Variants in DOCK3 observed in about 807,000 individuals in gnomAD.
DOCK3 encodes dedicator of cytokinesis protein 3.
DOCK3 carries 60 observed loss-of-function variants against 265.6 expected under a neutral mutation model. The ratio of observed to expected loss-of-function variants is 0.23; its 90% CI spans 0.18 to 0.28. The LOEUF is 0.28. Among genes scored for constraint, DOCK3 ranks in the 10% least tolerant of loss-of-function variants. The pLI is 1.00. For missense variants in DOCK3, 1,981 were observed against 2,594.3 expected (o/e 0.76, Z 5.14); for synonymous variants, 881 against 938.0 (o/e 0.94, Z 1.11).
intron 1 of DOCK3, among the ~76,000 whole-genome samples, chr3:50,764,843 A>G (rs980353318): frequency 6.6e-5 from 10 of 152,240 alleles, no homozygotes; most frequent in African/African-American, 2.4e-4. Context: ...TTGTTTTTCA[A>G]GTCTTCAGTT....
intron 1 of DOCK3, among the ~76,000 whole-genome samples, chr3:50,712,717 C>G (rs2036852334): frequency 6.6e-6 from 1 of 152,180 alleles, no homozygotes; most frequent in South Asian, 2.1e-4. Flanking sequence ...GTGATTTCCT[C>G]TTTGACTCAC....
intron 1 of DOCK3, among the ~76,000 whole-genome samples, chr3:50,741,773 C>T (rs1466232265): frequency 6.6e-5 from 10 of 152,052 alleles, no homozygotes; most frequent in Non-Finnish European, 1.2e-4. Context: ...GATTTATAGT[C>T]CTTTGGGTAT....
intron 5 of DOCK3, among the ~76,000 whole-genome samples, chr3:50,973,855 A>G (rs1376465147): frequency 7.4e-6 from 1 of 136,002 alleles, no homozygotes; most frequent in Non-Finnish European, 1.6e-5. Context: ...ATGGTATCTC[A>G]TTGTGGTTTT....
rs79190187 is a variant in DOCK3 at position 51,080,947 on chromosome 3, T to C, written c.549+5507T>C. Among the ~76,000 whole-genome samples the C allele has an allele frequency of 7.6e-3, 1,164 of 152,190 alleles. 18 individuals are homozygous for C. Among genetic ancestry groups the C allele is most frequent in the African/African-American group, 0.027 (1,119 of 41,524 alleles). The stretch of plus-strand genomic sequence containing the variant: ...TTTTGAAACCTGTTTTATATGTGAA[T>C]TTTTCTTTTGTGCATATACATTCTA... On this transcript the variant is annotated intron_variant, in intron 7 of 52. Coordinates refer to ENST00000266037, the MANE Select transcript of DOCK3 (RefSeq NM_004947.5).
At chr3:50,823,148 TTTTA>T (rs1030825510) in intron 2 of DOCK3, among the ~76,000 whole-genome samples, 124 of 151,712 alleles carry the variant, frequency 8.2e-4, no homozygotes, top group Non-Finnish European at 1.6e-3. Context: ...TTTATTTTTA[TTTTA>T]TTTATTTATT....
At chr3:50,889,973 A>T (rs2048564304) in intron 3 of DOCK3, 53 bp from the exon 4 acceptor site, 1 of 1,315,444 alleles carries the variant, frequency 7.6e-7, no homozygotes, top group Non-Finnish European at 9.8e-7. Context: ...GTATATATGA[A>T]ATGTTAATCA....
In DOCK3 at chr3:51,312,513, T is replaced by C; in HGVS notation, c.3131T>C (p.Ile1044Thr). Reference sequence around the variant, plus strand: ...TACTTTAGCCTGGCAGTTCTATTCATAAATCAGCCAAGCCTTCAGCTAGAA... The same window carrying C: ...TACTTTAGCCTGGCAGTTCTATTCACAAATCAGCCAAGCCTTCAGCTAGAA... ...NSYFSLAVLF[I>T]NQPSLQLEII... The change falls in exon 30 of 53, where the codon ATA becomes ACA. Residue 1044 changes from isoleucine to threonine, a missense_variant. Physicochemically the swap from Ile to Thr is moderately conservative, Grantham distance 89. This residue lies in a region of DOCK3 where 1,357 missense variants were observed against 1,866.8 expected (regional missense o/e 0.73). Transcript: ENST00000266037. 6.2e-7 allele frequency: 1 copy of C among 1,606,954 alleles called. No homozygotes were observed. The highest frequency in any genetic ancestry group is 8.5e-7 in the Non-Finnish European group (1 of 1,178,496).
At chr3:51,004,533 A>G (rs903414419) in intron 5 of DOCK3, among the ~76,000 whole-genome samples, 1 of 152,144 alleles carries the variant, frequency 6.6e-6, no homozygotes, top group South Asian at 2.1e-4. Flanking sequence ...TGTCATAAGT[A>G]TGGTAGAGAT....
intron 5 of DOCK3, among the ~76,000 whole-genome samples, chr3:50,934,876 C>A (rs934322968): frequency 6.6e-6 from 1 of 152,042 alleles, no homozygotes. Flanking sequence ...GGGCTCTGGA[C>A]GATATGGAGT....
At chr3:50,685,595 C>T (rs2034738117) in intron 1 of DOCK3, 1 of 158,050 alleles carries the variant, frequency 6.3e-6, no homozygotes, top group Non-Finnish European at 1.4e-5. Flanking sequence ...ATCAGATCTC[C>T]TTGTAGCTGG....
intron 9 of DOCK3, among the ~76,000 whole-genome samples, chr3:51,113,515 G>A (rs182030842): frequency 8.5e-5 from 13 of 152,150 alleles, no homozygotes; most frequent in South Asian, 4.2e-4. Context: ...ATTAATCCAC[G>A]TACCAGAAAC....
At chr3:50,716,820 G>A (rs1434239718) in intron 1 of DOCK3, among the ~76,000 whole-genome samples, 1 of 151,770 alleles carries the variant, frequency 6.6e-6, no homozygotes, top group Non-Finnish European at 1.5e-5. Flanking sequence ...ACTAATAGAG[G>A]CTTAAAAATC....
chr3:51,163,969 T>A (rs541984056), intron 12 of DOCK3, among the ~76,000 whole-genome samples: 1 of 152,310 alleles, frequency 6.6e-6, no homozygotes, highest in Admixed American at 6.5e-5. Flanking sequence ...AGCCACTTTC[T>A]GAATTATCTG....
intron 3 of DOCK3, among the ~76,000 whole-genome samples, chr3:50,883,448 AG>A (rs2107675224): frequency 6.6e-6 from 1 of 152,194 alleles, no homozygotes; most frequent in African/African-American, 2.4e-5. Flanking sequence ...GTTTTTTCTT[AG>A]TGTAGTTCCA....
chr3:51,146,735 A>G, intron 10 of DOCK3, 105 bp downstream of exon 10: 1 of 980,150 alleles, frequency 1.0e-6, no homozygotes, highest in Non-Finnish European at 1.5e-6. Flanking sequence ...ATTTCCATAT[A>G]CACTGGGGAG....
chr3:51,058,737 A>G (rs961157096), intron 5 of DOCK3, among the ~76,000 whole-genome samples: 1 of 152,154 alleles, frequency 6.6e-6, no homozygotes, highest in African/African-American at 2.4e-5. Flanking sequence ...GTGGGGGTCC[A>G]CTTCCTCATA....
chr3:51,287,569 T>G (rs1056639730), intron 27 of DOCK3, among the ~76,000 whole-genome samples: 1 of 151,914 alleles, frequency 6.6e-6, no homozygotes, highest in Non-Finnish European at 1.5e-5. Flanking sequence ...AAATTAAAAT[T>G]AAAAAATTAA....
intron 1 of DOCK3, among the ~76,000 whole-genome samples, chr3:50,756,249 G>C (rs1559598143): frequency 6.6e-6 from 1 of 152,148 alleles, no homozygotes; most frequent in Non-Finnish European, 1.5e-5. Context: ...CCAGAGGATG[G>C]TCATATACTG....
chr3:51,068,302 A>C (rs978042536), intron 6 of DOCK3, among the ~76,000 whole-genome samples: 7 of 152,098 alleles, frequency 4.6e-5, no homozygotes, highest in Non-Finnish European at 7.3e-5. Context: ...GCACTTTGGG[A>C]GGCCGAGGCG....
Sources: allele counts gnomAD v4.1 joint callset (sites outside exome capture counted in the v4.1 genomes callset), GRCh38; gene constraint gnomAD v4.1.1; regional missense constraint gnomAD v4.1.1; transcripts MANE v1.5; gene names NCBI Gene and HGNC (gene_info 2026-07-23, HGNC 2026-07-21).